POU2F3: variants seen among roughly 807,000 people sequenced by gnomAD.
The protein encoded by POU2F3 is POU class 2 homeobox 3.
In POU2F3, 23 loss-of-function variants were observed where a neutral mutation model predicts 59.2. The observed-to-expected ratio is 0.39, with a 90% CI of 0.28 to 0.55. POU2F3 has a LOEUF of 0.55. Ranked by LOEUF, POU2F3 falls within the 20% of genes least tolerant of loss-of-function variation. The pLI is 0.66. For synonymous variants in POU2F3, 190 were observed against 214.6 expected, an observed-to-expected ratio of 0.89 and a Z score of 1.00; for missense variants, 473 against 544.5, an observed-to-expected ratio of 0.87 and a Z score of 1.31.
chr11:120,255,523 T>C (rs1489632465), intron 2 of POU2F3, among the ~76,000 whole-genome samples: 2 of 151,946 alleles, frequency 1.3e-5, no homozygotes, highest in South Asian at 2.1e-4. Context: ...GAGAGGTCAT[T>C]TGAAATTCAA....
In POU2F3 at chr11:120,309,520, A is replaced by G. The variant is rs1274785709; in HGVS notation, c.1002A>G (p.Gln334=). The change falls in exon 10 of 13, where the codon CAA becomes CAG. Residue 334 remains glutamine (Q), a synonymous_variant. Transcript: ENST00000543440. ...VVRVWFCNRR[Q]KEKRINCPVA... is the part of the protein sequence containing the mutation. ...GGGTCTGGTTCTGCAACCGACGCCA[A>G]AAGGAGAAGCGAATCAACTGCCCTG... The G allele has an allele frequency of 6.2e-7, 1 of 1,613,990 alleles. No homozygotes were observed. The highest frequency in any genetic ancestry group is 2.2e-5 in the East Asian group (1 of 44,886).
chr11:120,315,479 G>A (rs773679533), intron 11 of POU2F3, 52 bp downstream of exon 11: 21 of 1,537,450 alleles, frequency 1.4e-5, no homozygotes, highest in Non-Finnish European at 1.8e-5. Flanking sequence ...TTTAAAAAAT[G>A]GGATATTAGA....
intron 3 of POU2F3, among the ~76,000 whole-genome samples, chr11:120,292,485 G>A (rs1030696112): frequency 1.1e-4 from 17 of 152,218 alleles, no homozygotes; most frequent in African/African-American, 2.2e-4. Context: ...ATTTCTTCCC[G>A]CCTCCCACAC....
At chr11:120,268,443 C>T (rs1037739744) in intron 2 of POU2F3, among the ~76,000 whole-genome samples, 52 of 152,208 alleles carry the variant, frequency 3.4e-4, no homozygotes, top group African/African-American at 1.3e-3. Context: ...TGGGCTCAAG[C>T]GATCCTCCTG....
At chr11:120,305,234 T>C in intron 7 of POU2F3, 22 bp downstream of exon 7, 6 of 1,607,996 alleles carry the variant, frequency 3.7e-6, no homozygotes, top group Non-Finnish European at 4.2e-6. Flanking sequence ...GGGGAAAAGA[T>C]AGAAGAAGTC....
chr11:120,275,493 T>TAC (rs1326388054), intron 3 of POU2F3, among the ~76,000 whole-genome samples: 7 of 152,166 alleles, frequency 4.6e-5, no homozygotes, highest in African/African-American at 1.4e-4. Context: ...GACAACTGCA[T>TAC]ACGTAGGTGG....
Position 120,255,240 on chromosome 11 carries a change from GGT to G in POU2F3, c.97+8724_97+8725del. On this transcript the variant is annotated intron_variant, in intron 2 of 12. Transcript: ENST00000543440. The stretch of plus-strand genomic sequence containing the variant: ...CAGGTTTGTACGAGAGGTGTGGGCA[GGT>G]AGGCTGGCGTATCTGGACCCCACTG... Among the ~76,000 whole-genome samples, 3 of 152,310 alleles carry G rather than the reference GGT, an allele frequency of 2.0e-5. No individual in the cohort carries two copies. The South Asian group carries it at 6.2e-4, about 32-fold the overall frequency.
At chr11:120,283,450 G>A (rs1940652617) in intron 3 of POU2F3, among the ~76,000 whole-genome samples, 2 of 152,146 alleles carry the variant, frequency 1.3e-5, no homozygotes, top group Middle Eastern at 3.4e-3. Flanking sequence ...GCAGGCCTCT[G>A]AGGATCTGGG....
chr11:120,309,719 T>C lies in POU2F3; in HGVS notation c.1068+133T>C, dbSNP rs540497432. The C allele has an allele frequency of 9.1e-6, 10 of 1,095,678 alleles. No individual in the cohort carries two copies. In the African/African-American group the frequency reaches 1.1e-4, roughly 12 times the overall value. 67.9% of individuals were successfully genotyped at this position (1,095,678 alleles called of 1,614,324 possible). On this transcript the variant is annotated intron_variant, in intron 10 of 12. Transcript: ENST00000543440. ...CAAAGAGATGCTGTATAGAATATAG[T>C]ATAAAGAAGGGCGAGGGAATAGAAG...
At chr11:120,294,668 C>G (rs1485325337) in intron 3 of POU2F3, among the ~76,000 whole-genome samples, 1 of 152,172 alleles carries the variant, frequency 6.6e-6, no homozygotes, top group East Asian at 1.9e-4. Flanking sequence ...TTCTTAATTT[C>G]TTCATTTCTG....
intron 2 of POU2F3, among the ~76,000 whole-genome samples, chr11:120,249,035 T>C (rs1233431362): frequency 6.6e-6 from 1 of 152,144 alleles, no homozygotes; most frequent in Non-Finnish European, 1.5e-5. Context: ...GGGTAAGAAC[T>C]GGGAAAGGGA....
Position 120,318,831 on chromosome 11 carries a change from C to T in POU2F3, c.*439C>T, listed in dbSNP as rs941573693. 2 of 160,054 alleles carry T rather than the reference C, an allele frequency of 1.2e-5. No individual in the cohort carries two copies. The highest frequency in any genetic ancestry group is 4.8e-5 in the African/African-American group (2 of 41,668). The allele number at this position is 160,054 out of a possible 1,614,324, so 9.9% of individuals were successfully genotyped here. On this transcript the variant is annotated 3_prime_UTR_variant, in exon 13 of 13. Transcript: ENST00000543440. ...TTTGACTCTGAACTTGGCCACAACC[C>T]CTGAACTGATCCCAAAATCTGTGAA...
Position 120,309,540 on chromosome 11 carries a change from G to A in POU2F3, c.1022G>A (p.Cys341Tyr). Residue 341 changes from cysteine (C) to tyrosine (Y), a missense_variant, in exon 10 of 13, where the codon TGC (cysteine) becomes TAC (tyrosine). Physicochemically the swap from Cys to Tyr is radical, Grantham distance 194 (BLOSUM62 -2). Coordinates refer to ENST00000543440, the MANE Select transcript of POU2F3 (RefSeq NM_014352.4). ...NRRQKEKRIN[C>Y]PVATPIKPPV... ...CGCCAAAAGGAGAAGCGAATCAACT[G>A]CCCTGTGGCCACACCCATCAAACCA... 6.2e-7 allele frequency: 1 copy of A among 1,614,132 alleles called. No individual in the cohort carries two copies. Among genetic ancestry groups the A allele is most frequent in the Non-Finnish European group, 8.5e-7 (1 of 1,180,026 alleles).
At position 120,305,108 on chromosome 11, in the gene POU2F3, C is replaced by T. The variant is rs987788308; in HGVS notation, c.523C>T (p.His175Tyr). 2.5e-6 allele frequency: 4 copies of T among 1,613,874 alleles called. No homozygotes were observed. The African/African-American group carries it at 5.3e-5, about 22-fold the overall frequency. ...EASQHLPVPK[H>Y]LPSSGGADEP... is the part of the protein sequence containing the mutation. ...ATCCCAGCATCTCCCAGTGCCCAAGCATCTACCCAGCTCTGGAGGGGCCGA... is the reference window on the plus strand; with the variant it reads ...ATCCCAGCATCTCCCAGTGCCCAAGTATCTACCCAGCTCTGGAGGGGCCGA... Residue 175 changes from histidine to tyrosine, a missense_variant, in exon 7 of 13, where the codon CAT becomes TAT. Coordinates refer to ENST00000543440, the MANE Select transcript of POU2F3 (RefSeq NM_014352.4).
chr11:120,298,033 T>G (rs1219334002), intron 3 of POU2F3, among the ~76,000 whole-genome samples: 1 of 150,696 alleles, frequency 6.6e-6, no homozygotes, highest in African/African-American at 2.4e-5. Flanking sequence ...TGAAACTCAC[T>G]ACACTATCGT....
chr11:120,287,837 A>C (rs1467257889), intron 3 of POU2F3, among the ~76,000 whole-genome samples: 1 of 152,150 alleles, frequency 6.6e-6, no homozygotes, highest in Non-Finnish European at 1.5e-5. Context: ...TAGCCAACCT[A>C]TTTAGACAGC....
intron 2 of POU2F3, among the ~76,000 whole-genome samples, chr11:120,248,298 C>G (rs1392337467): frequency 6.6e-6 from 1 of 152,126 alleles, no homozygotes; most frequent in Non-Finnish European, 1.5e-5. Flanking sequence ...ATCAAACAGA[C>G]CTGGGATAAA....
rs1940154591 is a variant in POU2F3 at position 120,273,235 on chromosome 11, C to T, written c.132+3991C>T. 2.6e-5 allele frequency among the ~76,000 whole-genome samples: 4 copies of T among 152,168 alleles called. No individual in the cohort carries two copies. In the South Asian group the frequency reaches 8.3e-4, roughly 32 times the overall value. ...GGACCCAGTAGGCTGGATCTAGGAC[C>T]ATCCATTCAACCTTTGAATATGCAG... On this transcript the variant is annotated intron_variant, in intron 3 of 12. Coordinates refer to ENST00000543440, the MANE Select transcript of POU2F3 (RefSeq NM_014352.4).
At chr11:120,236,822 G>C (rs949966277), upstream of POU2F3, 9 of 1,105,474 alleles carry the variant, frequency 8.1e-6, no homozygotes, top group Non-Finnish European at 5.3e-6. Flanking sequence ...CCTATACACA[G>C]GTGGGACTTA....
Sources: gnomAD v4.1 joint callset for allele counts (sites outside exome capture counted in the v4.1 genomes callset) on GRCh38, gnomAD v4.1.1 for gene constraint, MANE v1.5 for transcripts, NCBI Gene and HGNC (gene_info 2026-07-23, HGNC 2026-07-21) for gene names.